The following SYT17 variants were observed in gnomAD, a reference collection of about 807,000 sequenced individuals.
SYT17 encodes synaptotagmin-17.
Under a neutral mutation model 46.7 loss-of-function variants are expected in SYT17, and 22 were observed. The observed-to-expected ratio is 0.47, with a 90% CI of 0.34 to 0.67. The LOEUF (loss-of-function observed/expected upper bound fraction) is 0.67, where lower values mean the gene tolerates loss of function less well. Among genes scored for constraint, SYT17 ranks in the 30% least tolerant of loss-of-function variants. SYT17 has a pLI of 0.01. For synonymous variants in SYT17, 251 were observed against 248.4 expected (o/e 1.01, Z -0.10); for missense variants, 519 against 612.8 (o/e 0.85, Z 1.62).
intron 7 of SYT17, among the ~76,000 whole-genome samples, chr16:19,249,463 A>C (rs1185991004): frequency 1.3e-5 from 2 of 152,170 alleles, no homozygotes; most frequent in Non-Finnish European, 2.9e-5. Context: ...GGTGGTACTT[A>C]CACAATCATA....
chr16:19,187,103 C>G (rs545288345), intron 5 of SYT17, among the ~76,000 whole-genome samples: 2 of 152,302 alleles, frequency 1.3e-5, no homozygotes, highest in East Asian at 3.9e-4. Flanking sequence ...GGTGCAATCA[C>G]AGCTCACTGC....
At chr16:19,195,010 C>G (rs1337301207) in intron 5 of SYT17, among the ~76,000 whole-genome samples, 1 of 152,176 alleles carries the variant, frequency 6.6e-6, no homozygotes, top group Non-Finnish European at 1.5e-5. Context: ...TTAGACTGAT[C>G]TGGTTAAAAG....
In SYT17 at chr16:19,209,728, AT is replaced by A. The variant is rs1965819224; in HGVS notation, c.952-13315del. The stretch of plus-strand genomic sequence containing the variant: ...TACTAAAAAATACAAAAAAAAAAAA[AT>A]TAGCCGGGCGTGGTGGTGGGCGCCT... On this transcript the variant is annotated intron_variant, in intron 5 of 7. Coordinates refer to ENST00000355377, the MANE Select transcript of SYT17 (RefSeq NM_016524.4). Among the ~76,000 whole-genome samples the A allele has an allele frequency of 2.6e-5, 4 of 151,700 alleles. No individual in the cohort carries two copies. The South Asian group carries it at 8.4e-4, about 32-fold the overall frequency.
At chr16:19,235,104 G>C (rs1460874527) in intron 7 of SYT17, among the ~76,000 whole-genome samples, 1 of 152,200 alleles carries the variant, frequency 6.6e-6, no homozygotes, top group Non-Finnish European at 1.5e-5. Context: ...TGGGAAGTGA[G>C]CTGCAGAGCG....
At chr16:19,224,483 T>G (rs1966430702) in intron 6 of SYT17, among the ~76,000 whole-genome samples, 200 bp from the exon 7 acceptor site, 1 of 152,088 alleles carries the variant, frequency 6.6e-6, no homozygotes, top group African/African-American at 2.4e-5. Context: ...ATCAGTGAAC[T>G]GACGGATGGA....
intron 1 of SYT17, chr16:19,172,362 A>T: frequency 7.2e-7 from 1 of 1,392,796 alleles, no homozygotes; most frequent in African/African-American, 1.5e-5. Context: ...ATGTTAGCTA[A>T]TCATGTCCTT....
At chr16:19,259,766 G>C (rs559015395) in intron 7 of SYT17, among the ~76,000 whole-genome samples, 1 of 151,722 alleles carries the variant, frequency 6.6e-6, no homozygotes, top group African/African-American at 2.4e-5. Flanking sequence ...CTTAGAGTGT[G>C]TACATTTTGT....
At chr16:19,174,456 G>C (rs1964233859) in intron 3 of SYT17, among the ~76,000 whole-genome samples, 1 of 152,232 alleles carries the variant, frequency 6.6e-6, no homozygotes, top group South Asian at 2.1e-4. Flanking sequence ...GAGCCTGGCA[G>C]AGTGGAAGGA....
At chr16:19,208,762 G>A (rs150102084) in intron 5 of SYT17, among the ~76,000 whole-genome samples, 14 of 151,792 alleles carry the variant, frequency 9.2e-5, no homozygotes, top group African/African-American at 3.1e-4. Context: ...TCATCTTCAC[G>A]TGGTATTCTC....
At chr16:19,181,766 G>A (rs1313143850) in intron 4 of SYT17, among the ~76,000 whole-genome samples, 1 of 151,688 alleles carries the variant, frequency 6.6e-6, no homozygotes, top group Non-Finnish European at 1.5e-5. Context: ...TTGGGAGGCC[G>A]AGGCGGGAGG....
At chr16:19,207,164 G>C (rs1474915568) in intron 5 of SYT17, among the ~76,000 whole-genome samples, 1 of 152,164 alleles carries the variant, frequency 6.6e-6, no homozygotes, top group Admixed American at 6.5e-5. Context: ...TCTGACAAAA[G>C]TAGAAGCAGC....
chr16:19,267,082 G>A lies in SYT17; in HGVS notation c.*6G>A, dbSNP rs774798082. ...CCTCCCTGGAGGTGACCTGAGGGCT[G>A]CAGGGAAGGCAGCTTTCATTTGTTT... is the stretch of plus-strand genomic sequence containing the variant. On this transcript the variant is annotated 3_prime_UTR_variant, in exon 8 of 8. Transcript: ENST00000355377. 1.9e-6 allele frequency: 3 copies of A among 1,552,236 alleles called. No individual in the cohort carries two copies. The highest frequency in any genetic ancestry group is 1.2e-5 in the South Asian group (1 of 82,484).
intron 7 of SYT17, among the ~76,000 whole-genome samples, chr16:19,245,010 C>T (rs2142983889): frequency 1.3e-5 from 2 of 152,314 alleles, no homozygotes; most frequent in East Asian, 3.9e-4. Flanking sequence ...ATAGAAGAGC[C>T]AGTCCATGCC....
chr16:19,231,254 C>T (rs1448636556), intron 7 of SYT17, among the ~76,000 whole-genome samples: 2 of 152,100 alleles, frequency 1.3e-5, no homozygotes, highest in Non-Finnish European at 2.9e-5. Flanking sequence ...GCCAGGGTTT[C>T]CTGTCCTTCT....
At chr16:19,250,283 T>A (rs1967950055) in intron 7 of SYT17, among the ~76,000 whole-genome samples, 1 of 151,958 alleles carries the variant, frequency 6.6e-6, no homozygotes, top group Non-Finnish European at 1.5e-5. Flanking sequence ...CATTTCAAAG[T>A]CAGTTGCTGA....
intron 5 of SYT17, among the ~76,000 whole-genome samples, chr16:19,199,701 A>G (rs1280987101): frequency 6.6e-6 from 1 of 152,156 alleles, no homozygotes; most frequent in Non-Finnish European, 1.5e-5. Flanking sequence ...GCACCACTGT[A>G]CTTCCAACCT....
intron 5 of SYT17, among the ~76,000 whole-genome samples, chr16:19,217,941 G>C (rs1344003032): frequency 1.3e-5 from 2 of 152,230 alleles, no homozygotes; most frequent in African/African-American, 4.8e-5. Flanking sequence ...TGAGTTGCTT[G>C]ATGTCTGGGA....
chr16:19,192,148 G>T (rs957071947), intron 5 of SYT17, among the ~76,000 whole-genome samples: 2 of 152,146 alleles, frequency 1.3e-5, no homozygotes, highest in African/African-American at 2.4e-5. Flanking sequence ...GGCCAGGCAC[G>T]GTGCCTCACA....
chr16:19,221,186 C>CAAAA (rs575577083), intron 5 of SYT17, among the ~76,000 whole-genome samples: 7 of 62,896 alleles, frequency 1.1e-4, no homozygotes, highest in African/African-American at 3.4e-4. Context: ...GACCTTGTCT[C>CAAAA]AAAAAAAAAA....
Sources: allele counts gnomAD v4.1 joint callset (sites outside exome capture counted in the v4.1 genomes callset), GRCh38; gene constraint gnomAD v4.1.1; transcripts MANE v1.5; gene names NCBI Gene and HGNC (gene_info 2026-07-23, HGNC 2026-07-21).